NPNT: variants seen among roughly 807,000 people sequenced by gnomAD.
The protein encoded by NPNT is preosteoblast EGF-like repeat protein with MAM domain.
Under a neutral mutation model 68.6 loss-of-function variants are expected in NPNT, and 45 were observed. That is an observed-to-expected ratio of 0.66 (90% confidence interval 0.52 to 0.84). The LOEUF (loss-of-function observed/expected upper bound fraction) is 0.84, where lower values mean the gene tolerates loss of function less well. Among genes scored for constraint, NPNT ranks in the 40% least tolerant of loss-of-function variants. The pLI is 0.00. For synonymous variants in NPNT, 233 were observed against 253.3 expected (o/e 0.92, Z 0.76); for missense variants, 672 against 714.8 (o/e 0.94, Z 0.68).
intron 3 of NPNT, among the ~76,000 whole-genome samples, chr4:105,930,602 T>C (rs1380168250): frequency 6.6e-6 from 1 of 152,238 alleles, no homozygotes; most frequent in Admixed American, 6.5e-5. Context: ...GGCTCCTTTT[T>C]TCTGGAGGAG....
At chr4:105,916,269 G>C (rs895431491) in intron 2 of NPNT, among the ~76,000 whole-genome samples, 1 of 151,864 alleles carries the variant, frequency 6.6e-6, no homozygotes, top group East Asian at 1.9e-4. Context: ...ACCTAGGCTG[G>C]AGTGCAATGG....
intron 2 of NPNT, among the ~76,000 whole-genome samples, chr4:105,913,371 C>CT (rs1182253164): frequency 6.6e-6 from 1 of 152,170 alleles, no homozygotes; most frequent in African/African-American, 2.4e-5. Flanking sequence ...AGAGCTATGG[C>CT]TTACATTAGG....
chr4:105,967,524 C>A lies in NPNT; in HGVS notation c.1602+80C>A. ...ACTCTGGGATCTGAATTTGAAGAAG[C>A]CTTGCTGTGTGAATTCAGGCTCAGA... On this transcript the variant is annotated intron_variant, in intron 11 of 11. Transcript: ENST00000379987. The A allele has an allele frequency of 5.0e-6, 7 of 1,391,020 alleles. No homozygotes were observed. The South Asian group carries it at 6.0e-5, about 12-fold the overall frequency. 86.2% of individuals were successfully genotyped at this position (1,391,020 alleles called of 1,614,324 possible).
chr4:105,920,590 A>T (rs182508011), intron 2 of NPNT, among the ~76,000 whole-genome samples: 1 of 152,006 alleles, frequency 6.6e-6, no homozygotes, highest in African/African-American at 2.4e-5. Context: ...GTGAAAAGGG[A>T]TAGTGCTTAA....
intron 7 of NPNT, among the ~76,000 whole-genome samples, chr4:105,941,836 G>A (rs1181510926): frequency 1.3e-5 from 2 of 152,082 alleles, no homozygotes; most frequent in African/African-American, 4.8e-5. Context: ...GATAAGAAAA[G>A]TATTTGTCTT....
rs765225949 is a variant in NPNT at position 105,971,457 on chromosome 4, A to G, written c.*2467A>G. 1 of 197,206 alleles carries G rather than the reference A, an allele frequency of 5.1e-6. No homozygotes were observed. 12.2% of individuals were successfully genotyped at this position (197,206 alleles called of 1,614,324 possible). A position where few individuals can be genotyped will look rare whatever the true frequency, so the allele number is the denominator to read the frequency against. The stretch of plus-strand genomic sequence containing the variant: ...AATGGTTCATTTCCTTTATGGTCAT[A>G]TAACTGCACAGCTGAAGATGAAAGG... On this transcript the variant is annotated 3_prime_UTR_variant, in exon 12 of 12. Transcript: ENST00000379987.
intron 8 of NPNT, among the ~76,000 whole-genome samples, chr4:105,949,504 T>C (rs13134201): frequency 0.92 from 139,964 of 152,128 alleles, 64,484 homozygotes; most frequent in East Asian, 1. Context: ...GAAAAGCAGC[T>C]ATAAGTGGTG....
intron 2 of NPNT, among the ~76,000 whole-genome samples, chr4:105,899,238 G>C (rs981036337): frequency 6.6e-6 from 1 of 152,142 alleles, no homozygotes; most frequent in African/African-American, 2.4e-5. Flanking sequence ...TAAAGGAAAT[G>C]AATGTTTGCC....
intron 2 of NPNT, among the ~76,000 whole-genome samples, chr4:105,923,035 C>T (rs1029852719): frequency 4.6e-5 from 7 of 152,270 alleles, no homozygotes; most frequent in Middle Eastern, 3.4e-3. Flanking sequence ...CCAGCAGGCA[C>T]GTTGTTTACT....
chr4:105,959,260 G>A, intron 10 of NPNT, 134 bp downstream of exon 10: 1 of 597,676 alleles, frequency 1.7e-6, no homozygotes, highest in South Asian at 2.2e-5. Flanking sequence ...AAAGGACCAT[G>A]CCTAGCATTT....
Position 105,958,572 on chromosome 4 carries a change from C to G in NPNT, c.1246+15C>G, listed in dbSNP as rs367564435. 2.2e-6 allele frequency: 3 copies of G among 1,361,098 alleles called. No individual in the cohort carries two copies. The highest frequency in any genetic ancestry group is 1.8e-5 in the Admixed American group (1 of 54,270). 84.3% of individuals were successfully genotyped at this position (1,361,098 alleles called of 1,614,324 possible). On this transcript the variant is annotated intron_variant, in intron 9 of 11. Coordinates refer to ENST00000379987, the MANE Select transcript of NPNT (RefSeq NM_001033047.3). ...GGATGATCCAGGTGACACTTACACT[C>G]TTAGTGCCATCATAATGACATTTTA...
rs545680705 is a variant in NPNT, at chr4:105,955,741, C to T, written c.1160-2730C>T. Among the ~76,000 whole-genome samples, 4 of 151,762 alleles carry T rather than the reference C, an allele frequency of 2.6e-5. No homozygotes were observed. In the South Asian group the frequency reaches 8.3e-4, roughly 32 times the overall value. The stretch of plus-strand genomic sequence containing the variant: ...ACATGATTGTGATAATAACATAATA[C>T]TGCTTGAATGATTTGTTCTGCTACT... On this transcript the variant is annotated intron_variant, in intron 8 of 11. Coordinates refer to ENST00000379987, the MANE Select transcript of NPNT (RefSeq NM_001033047.3).
At chr4:105,946,746 A>G (rs918650387) in intron 8 of NPNT, among the ~76,000 whole-genome samples, 2 of 152,206 alleles carry the variant, frequency 1.3e-5, no homozygotes, top group East Asian at 1.9e-4. Flanking sequence ...CAAGGGCAAA[A>G]TCACAAACTC....
intron 8 of NPNT, 62 bp downstream of exon 8, chr4:105,942,764 G>A: frequency 2.1e-6 from 3 of 1,454,320 alleles, no homozygotes; most frequent in Non-Finnish European, 2.8e-6. Flanking sequence ...TTCAACCACA[G>A]GCCATGCCTT....
chr4:105,937,454 A>T (rs1378842020), intron 4 of NPNT, among the ~76,000 whole-genome samples: 2 of 136,386 alleles, frequency 1.5e-5, no homozygotes, highest in African/African-American at 2.7e-5. Context: ...ATTCCAGGCT[A>T]AAAAAAAAAA....
At chr4:105,960,533 A>T (rs1220181060) in intron 10 of NPNT, among the ~76,000 whole-genome samples, 1 of 152,244 alleles carries the variant, frequency 6.6e-6, no homozygotes, top group Admixed American at 6.5e-5. Context: ...AGATTTACTT[A>T]AAAATTAAAA....
At chr4:105,943,332 C>T (rs1254277508) in intron 8 of NPNT, among the ~76,000 whole-genome samples, 2 of 152,176 alleles carry the variant, frequency 1.3e-5, no homozygotes, top group Admixed American at 6.5e-5. Context: ...TTATAGTTAA[C>T]AGGGACAGCC....
chr4:105,916,467 G>A (rs183483266), intron 2 of NPNT, among the ~76,000 whole-genome samples: 4 of 150,734 alleles, frequency 2.7e-5, no homozygotes, highest in African/African-American at 4.9e-5. Context: ...AGCAATCCAC[G>A]CACCTTGGCC....
chr4:105,936,934 A>G, intron 3 of NPNT, 75 bp from the exon 4 acceptor site: 1 of 1,453,888 alleles, frequency 6.9e-7, no homozygotes, highest in Non-Finnish European at 9.2e-7. Flanking sequence ...TTTTTAATAT[A>G]GAAAAGAATT....
Sources: allele counts gnomAD v4.1 joint callset (sites outside exome capture counted in the v4.1 genomes callset), GRCh38; gene constraint gnomAD v4.1.1; transcripts MANE v1.5; gene names NCBI Gene and HGNC (gene_info 2026-07-23, HGNC 2026-07-21).